COL25A1: variants seen among roughly 807,000 people sequenced by gnomAD.
COL25A1 encodes the protein collagen type XXV alpha 1 chain.
Under a neutral mutation model 128.4 loss-of-function variants are expected in COL25A1, and 103 were observed. The ratio of observed to expected loss-of-function variants is 0.80; its 90% confidence interval spans 0.68 to 0.94. COL25A1 has a LOEUF of 0.94. Among genes scored for constraint, COL25A1 ranks in the 40% least tolerant of loss-of-function variants. COL25A1 has a pLI of 0.00. For missense variants in COL25A1, 745 were observed against 840.0 expected (o/e 0.89, Z 1.40); for synonymous variants, 279 against 277.2 (o/e 1.01, Z -0.06).
intron 3 of COL25A1, among the ~76,000 whole-genome samples, chr4:109,098,697 C>G (rs1393653164): frequency 6.6e-6 from 1 of 152,134 alleles, no homozygotes; most frequent in Non-Finnish European, 1.5e-5. Flanking sequence ...GTTGTACTGT[C>G]TGGGTCAAAT....
chr4:109,212,494 T>C (rs1777652187), intron 3 of COL25A1, among the ~76,000 whole-genome samples: 1 of 152,136 alleles, frequency 6.6e-6, no homozygotes. Flanking sequence ...TAGAAGTTAG[T>C]GCATGACATC....
chr4:108,819,117 C>T (rs1460623739), intron 36 of COL25A1, 135 bp downstream of exon 36: 2 of 541,430 alleles, frequency 3.7e-6, no homozygotes, highest in African/African-American at 3.8e-5. Flanking sequence ...GCAGAAGGAG[C>T]CTGTTCATGC....
chr4:109,260,386 A>G (rs1781361255), intron 3 of COL25A1, among the ~76,000 whole-genome samples: 1 of 152,196 alleles, frequency 6.6e-6, no homozygotes, highest in Admixed American at 6.5e-5. Context: ...GGAAATAAAC[A>G]TCTCTACTCA....
chr4:109,185,669 G>C (rs1460264443), intron 3 of COL25A1, among the ~76,000 whole-genome samples: 1 of 152,138 alleles, frequency 6.6e-6, no homozygotes, highest in East Asian at 1.9e-4. Context: ...GGGCTTCTAA[G>C]GCAATAATTA....
At chr4:108,819,029 A>T (rs57537217) in intron 36 of COL25A1, among the ~76,000 whole-genome samples, 4,231 of 152,288 alleles carry the variant, frequency 0.028, 196 homozygotes, top group African/African-American at 0.093. Context: ...TGGTCATGTC[A>T]GTTGTGAGAA....
chr4:109,106,330 A>G (rs963504820), intron 3 of COL25A1, among the ~76,000 whole-genome samples: 2 of 152,162 alleles, frequency 1.3e-5, no homozygotes, highest in Non-Finnish European at 2.9e-5. Context: ...CTTTCCCACC[A>G]ACTACACTGA....
chr4:108,926,975 G>A (rs1359771641), intron 11 of COL25A1, among the ~76,000 whole-genome samples: 1 of 152,050 alleles, frequency 6.6e-6, no homozygotes, highest in East Asian at 1.9e-4. Flanking sequence ...TAGTTGAAGT[G>A]GGTATGAAGG....
intron 5 of COL25A1, among the ~76,000 whole-genome samples, chr4:109,030,242 G>A (rs2125913978): frequency 6.6e-6 from 1 of 152,314 alleles, no homozygotes; most frequent in Non-Finnish European, 1.5e-5. Context: ...GAAGGAAGCA[G>A]CTGCTGCCTG....
intron 3 of COL25A1, among the ~76,000 whole-genome samples, chr4:109,092,774 T>G (rs566003161): frequency 6.6e-6 from 1 of 152,284 alleles, no homozygotes; most frequent in East Asian, 1.9e-4. Context: ...CCTTACTTTC[T>G]AAGATTTCTT....
At chr4:109,039,088 C>A (rs767732125) in intron 5 of COL25A1, among the ~76,000 whole-genome samples, 22 of 152,074 alleles carry the variant, frequency 1.4e-4, no homozygotes, top group Non-Finnish European at 2.9e-4. Flanking sequence ...CTAAATCCAC[C>A]CCAGTCTCTA....
intron 35 of COL25A1, among the ~76,000 whole-genome samples, chr4:108,823,353 A>G (rs1278233301): frequency 6.6e-6 from 1 of 152,094 alleles, no homozygotes; most frequent in Non-Finnish European, 1.5e-5. Context: ...CAAGCAAAAT[A>G]CTGAGAAAGG....
chr4:109,230,685 A>C (rs1779105443), intron 3 of COL25A1, among the ~76,000 whole-genome samples: 1 of 152,246 alleles, frequency 6.6e-6, no homozygotes, highest in South Asian at 2.1e-4. Context: ...TAATCAAAAA[A>C]TAAAATGAAA....
chr4:109,013,449 C>CTGAGCCA (rs2126050559), intron 5 of COL25A1, among the ~76,000 whole-genome samples: 1 of 114,182 alleles, frequency 8.8e-6, no homozygotes, highest in South Asian at 2.9e-4. Flanking sequence ...AGCAGGCTGC[C>CTGAGCCA]TGAGCCAGCA....
intron 16 of COL25A1, among the ~76,000 whole-genome samples, chr4:108,891,053 G>A (rs1741436721): frequency 6.6e-6 from 1 of 152,194 alleles, no homozygotes. Context: ...TAGACAGTTA[G>A]CTACATGTGA....
At chr4:109,250,737 T>G (rs1390888782) in intron 3 of COL25A1, among the ~76,000 whole-genome samples, 4 of 152,206 alleles carry the variant, frequency 2.6e-5, no homozygotes, top group African/African-American at 9.7e-5. Flanking sequence ...AATTTAAATG[T>G]TAATCACATC....
intron 3 of COL25A1, among the ~76,000 whole-genome samples, chr4:109,279,395 T>C (rs958691579): frequency 1.3e-5 from 2 of 151,998 alleles, no homozygotes; most frequent in Non-Finnish European, 2.9e-5. Context: ...CTGGGCAAAA[T>C]AAAGACTCCA....
Position 109,129,711 on chromosome 4 carries a change from T to C in COL25A1, c.368-79532A>G, listed in dbSNP as rs566191711. Among the ~76,000 whole-genome samples, 47 of 152,332 alleles carry C rather than the reference T, an allele frequency of 3.1e-4. No homozygotes were observed. In the South Asian group the frequency reaches 9.3e-3, roughly 30 times the overall value. ...TTCCTTCGACAGATGTTAAATGTTA[T>C]CTTTCTGGCAACCAATGTGGCACCC... On this transcript the variant is annotated intron_variant, in intron 3 of 37. Transcript: ENST00000399132.
At chr4:109,271,636 C>T (rs1275309347) in intron 3 of COL25A1, among the ~76,000 whole-genome samples, 1 of 152,166 alleles carries the variant, frequency 6.6e-6, no homozygotes, top group African/African-American at 2.4e-5. Flanking sequence ...CAGTCACCTG[C>T]TATGAACTAT....
intron 12 of COL25A1, among the ~76,000 whole-genome samples, chr4:108,918,762 A>AAAAGTTGC (rs1745153394): frequency 6.6e-6 from 1 of 152,374 alleles, no homozygotes; most frequent in Non-Finnish European, 1.5e-5. Flanking sequence ...GAGTGACTCA[A>AAAAGTTGC]AAAGTTGCAA....
Sources: allele counts gnomAD v4.1 joint callset (sites outside exome capture counted in the v4.1 genomes callset), GRCh38; gene constraint gnomAD v4.1.1; transcripts MANE v1.5; gene names NCBI Gene and HGNC (gene_info 2026-07-23, HGNC 2026-07-21).